The following COL26A1 variants were observed in gnomAD, a reference collection of about 807,000 sequenced individuals.
The protein encoded by COL26A1 is collagen type XXVI alpha 1 chain.
Under a neutral mutation model 59.3 loss-of-function variants are expected in COL26A1, and 41 were observed. That is an observed-to-expected ratio of 0.69 (90% confidence interval 0.54 to 0.90). The LOEUF (loss-of-function observed/expected upper bound fraction) is 0.90, where lower values mean the gene tolerates loss of function less well. Among genes scored for constraint, COL26A1 ranks in the 40% least tolerant of loss-of-function variants. The probability of loss-of-function intolerance (pLI) is 0.00; values close to 1 mark genes in which losing one functional copy is unlikely to be tolerated. For synonymous variants in COL26A1, 266 were observed against 256.0 expected (o/e 1.04, Z -0.37); for missense variants, 612 against 602.3 (o/e 1.02, Z -0.17).
chr7:101,544,212 C>A, intron 6 of COL26A1, 116 bp downstream of exon 6: 1 of 700,758 alleles, frequency 1.4e-6, no homozygotes, highest in Non-Finnish European at 2.3e-6. Flanking sequence ...TTGCTGGGTA[C>A]CAGAAAAACG....
chr7:101,485,596 C>G (rs553585438), intron 3 of COL26A1, among the ~76,000 whole-genome samples: 16 of 152,288 alleles, frequency 1.1e-4, no homozygotes, highest in African/African-American at 3.9e-4. Context: ...ACTCCAACTC[C>G]CCTGCCTATG....
intron 3 of COL26A1, among the ~76,000 whole-genome samples, chr7:101,479,191 G>A (rs535910109): frequency 1.3e-5 from 2 of 152,202 alleles, no homozygotes; most frequent in East Asian, 3.8e-4. Context: ...TTCACCAGCA[G>A]TGTATAAAAG....
At position 101,547,220 on chromosome 7, in the gene COL26A1, G is replaced by C; in HGVS notation, c.921G>C (p.Arg307=). Residue 307 remains arginine (R), a synonymous_variant, in exon 8 of 13, where the codon CGG becomes CGC. Transcript: ENST00000313669. ...TGCTGGCAGGTGTCCCAGGACCCCG[G>C]GGTCCCCCTGGTCCACCAGGTAAGT... is the stretch of plus-strand genomic sequence containing the variant. ...DTVLAGVPGP[R]GPPGPPGPPG... 1 of 1,584,678 alleles carries C rather than the reference G, an allele frequency of 6.3e-7. No individual in the cohort carries two copies. Among genetic ancestry groups the C allele is most frequent in the Non-Finnish European group, 8.6e-7 (1 of 1,167,188 alleles).
intron 5 of COL26A1, 40 bp from the exon 6 acceptor site, chr7:101,543,958 G>T (rs1215801956): frequency 2.1e-6 from 3 of 1,432,774 alleles, no homozygotes; most frequent in African/African-American, 1.4e-5. Context: ...GAGGCTGGGG[G>T]TCCACCATGT....
At chr7:101,377,004 A>G (rs1490701861) in intron 1 of COL26A1, among the ~76,000 whole-genome samples, 2 of 151,972 alleles carry the variant, frequency 1.3e-5, no homozygotes, top group East Asian at 1.9e-4. Flanking sequence ...GATTATAGGT[A>G]CCTGCCACCA....
At chr7:101,447,246 T>G (rs1793219158) in intron 2 of COL26A1, among the ~76,000 whole-genome samples, 1 of 152,236 alleles carries the variant, frequency 6.6e-6, no homozygotes, top group Admixed American at 6.5e-5. Context: ...AGCCATAGGC[T>G]GCATGACCCC....
chr7:101,363,738 G>C (rs1476905013), intron 1 of COL26A1, among the ~76,000 whole-genome samples: 1 of 152,078 alleles, frequency 6.6e-6, no homozygotes, highest in East Asian at 1.9e-4. Context: ...CCCTCGTTCC[G>C]GGCTCCGAGT....
At chr7:101,414,562 C>T (rs931183603) in intron 1 of COL26A1, among the ~76,000 whole-genome samples, 3 of 152,050 alleles carry the variant, frequency 2.0e-5, no homozygotes, top group African/African-American at 4.8e-5. Context: ...CTCAGCCTCC[C>T]GAGCAGCTGG....
At chr7:101,469,634 C>T (rs1793847202) in intron 3 of COL26A1, among the ~76,000 whole-genome samples, 1 of 152,070 alleles carries the variant, frequency 6.6e-6, no homozygotes, top group East Asian at 1.9e-4. Context: ...GGATTACAGG[C>T]GTGTGCCACC....
At chr7:101,414,732 C>T (rs113731572) in intron 1 of COL26A1, among the ~76,000 whole-genome samples, 1 of 152,286 alleles carries the variant, frequency 6.6e-6, no homozygotes, top group South Asian at 2.1e-4. Context: ...CCACTGCGCC[C>T]GGCTCACCTT....
At chr7:101,509,983 C>T (rs1267376771) in intron 3 of COL26A1, among the ~76,000 whole-genome samples, 3 of 149,558 alleles carry the variant, frequency 2.0e-5, no homozygotes, top group African/African-American at 7.5e-5. Flanking sequence ...CAATCTCAGC[C>T]TCCCAAAGTA....
intron 2 of COL26A1, among the ~76,000 whole-genome samples, chr7:101,435,232 G>T (rs1792886941): frequency 6.6e-6 from 1 of 152,170 alleles, no homozygotes; most frequent in African/African-American, 2.4e-5. Flanking sequence ...GACAGAAGAC[G>T]TGCTCAAACC....
intron 1 of COL26A1, among the ~76,000 whole-genome samples, chr7:101,395,744 A>G (rs991460694): frequency 2.6e-5 from 4 of 151,910 alleles, no homozygotes; most frequent in African/African-American, 9.7e-5. Context: ...AAATAGGGGG[A>G]AGGTGGCTCC....
intron 3 of COL26A1, among the ~76,000 whole-genome samples, chr7:101,486,963 C>T (rs2130508832): frequency 6.6e-6 from 1 of 152,340 alleles, no homozygotes; most frequent in South Asian, 2.1e-4. Flanking sequence ...AACCCGGGCA[C>T]AGTCCCAGGG....
chr7:101,398,628 G>A (rs1344997982), intron 1 of COL26A1, among the ~76,000 whole-genome samples: 2 of 152,064 alleles, frequency 1.3e-5, no homozygotes, highest in East Asian at 1.9e-4. Flanking sequence ...GTGTGCTTCC[G>A]TGAGCCAGAC....
intron 1 of COL26A1, among the ~76,000 whole-genome samples, chr7:101,391,402 C>T (rs1791725561): frequency 6.6e-6 from 1 of 152,050 alleles, no homozygotes; most frequent in Non-Finnish European, 1.5e-5. Context: ...ACTCCTGGGC[C>T]CGTATCCTAG....
At chr7:101,409,463 G>C (rs1172861078) in intron 1 of COL26A1, among the ~76,000 whole-genome samples, 1 of 152,166 alleles carries the variant, frequency 6.6e-6, no homozygotes, top group Non-Finnish European at 1.5e-5. Flanking sequence ...ATGTCACATT[G>C]TTGAGAAGAC....
intron 3 of COL26A1, among the ~76,000 whole-genome samples, chr7:101,502,643 G>C (rs1476654): frequency 0.095 from 14,398 of 152,224 alleles, 693 homozygotes; most frequent in South Asian, 0.099. Flanking sequence ...TGTCAGGGGG[G>C]ACCCAGGAAA....
At chr7:101,466,525 C>A (rs1001547090) in intron 3 of COL26A1, among the ~76,000 whole-genome samples, 2 of 151,958 alleles carry the variant, frequency 1.3e-5, no homozygotes, top group Admixed American at 6.6e-5. Flanking sequence ...AACATAGACC[C>A]CGTCTCTACA....
Sources: gnomAD v4.1 joint callset for allele counts (sites outside exome capture counted in the v4.1 genomes callset) on GRCh38, gnomAD v4.1.1 for gene constraint, MANE v1.5 for transcripts, NCBI Gene and HGNC (gene_info 2026-07-23, HGNC 2026-07-21) for gene names.